The following MLIP variants were observed in gnomAD, a reference collection of about 807,000 sequenced individuals.
The protein encoded by MLIP is muscular LMNA interacting protein.
MLIP carries 79 observed loss-of-function variants against 84.8 expected under a neutral mutation model. That is an observed-to-expected ratio of 0.93 (90% CI 0.78 to 1.12). The LOEUF is 1.12. Ranked by LOEUF, MLIP falls within the 50% of genes most tolerant of loss-of-function variation. MLIP has a pLI of 0.00. For missense variants in MLIP, 1,257 were observed against 1,160.6 expected, an observed-to-expected ratio of 1.08 and a Z score of -1.21; for synonymous variants, 504 against 463.0, an observed-to-expected ratio of 1.09 and a Z score of -1.14.
intron 1 of MLIP, among the ~76,000 whole-genome samples, chr6:54,050,018 C>T (rs1765285232): frequency 6.6e-6 from 1 of 152,022 alleles, no homozygotes. Context: ...TGATTTGATA[C>T]ATTGCAAAGT....
chr6:54,257,999 T>C (rs1783126373), intron 13 of MLIP, among the ~76,000 whole-genome samples: 1 of 152,106 alleles, frequency 6.6e-6, no homozygotes, highest in Admixed American at 6.6e-5. Context: ...TGTAAAGAAA[T>C]GTTCTCATTA....
At chr6:54,168,289 T>G (rs1775402351) in intron 8 of MLIP, among the ~76,000 whole-genome samples, 1 of 151,826 alleles carries the variant, frequency 6.6e-6, no homozygotes, top group Non-Finnish European at 1.5e-5. Flanking sequence ...AAATGTCACC[T>G]TCTCAACATT....
chr6:54,260,973 A>G (rs1232535447), intron 13 of MLIP, among the ~76,000 whole-genome samples: 1 of 151,942 alleles, frequency 6.6e-6, no homozygotes, highest in African/African-American at 2.4e-5. Flanking sequence ...AGATCTGTAA[A>G]TAATTGATTT....
At chr6:54,172,144 T>C (rs1775831673) in intron 9 of MLIP, among the ~76,000 whole-genome samples, 1 of 151,632 alleles carries the variant, frequency 6.6e-6, no homozygotes, top group Admixed American at 6.6e-5. Context: ...TACTGAAAAT[T>C]CCTATTTCTG....
intron 12 of MLIP, among the ~76,000 whole-genome samples, chr6:54,255,735 C>T (rs1028658952): frequency 4.6e-5 from 7 of 152,016 alleles, no homozygotes; most frequent in Non-Finnish European, 8.8e-5. Context: ...CATAATGACT[C>T]GATTGCTTTT....
chr6:54,146,426 T>C (rs1414538584), intron 4 of MLIP, among the ~76,000 whole-genome samples: 1 of 152,200 alleles, frequency 6.6e-6, no homozygotes, highest in East Asian at 1.9e-4. Flanking sequence ...AATTCTTCAC[T>C]TGAGTATCAG....
At chr6:54,129,182 A>G (rs1008377425) in intron 3 of MLIP, among the ~76,000 whole-genome samples, 1 of 152,116 alleles carries the variant, frequency 6.6e-6, no homozygotes, top group African/African-American at 2.4e-5. Context: ...AGTTATTTGG[A>G]TGGGGCATTA....
At chr6:54,141,633 C>T (rs1489271084) in intron 4 of MLIP, among the ~76,000 whole-genome samples, 1 of 151,834 alleles carries the variant, frequency 6.6e-6, no homozygotes, top group Non-Finnish European at 1.5e-5. Context: ...TCTATATTGT[C>T]TGAGACTTTT....
intron 1 of MLIP, among the ~76,000 whole-genome samples, chr6:54,029,869 C>A (rs1338335350): frequency 3.9e-5 from 6 of 152,104 alleles, no homozygotes; most frequent in African/African-American, 1.4e-4. Context: ...AGAATCAAAT[C>A]TGGGCTCCTA....
chr6:54,196,628 G>GT (rs1335352198), intron 10 of MLIP, among the ~76,000 whole-genome samples: 1 of 151,964 alleles, frequency 6.6e-6, no homozygotes, highest in African/African-American at 2.4e-5. Context: ...CATTGAATCA[G>GT]TACCTCTTAT....
At chr6:54,216,905 A>G (rs1779891587) in intron 11 of MLIP, 4 of 985,246 alleles carry the variant, frequency 4.1e-6, no homozygotes, top group Non-Finnish European at 4.8e-6. Flanking sequence ...TGGTGTCTTT[A>G]GATAAAGGGG....
intron 3 of MLIP, among the ~76,000 whole-genome samples, chr6:54,131,090 G>T (rs1771336957): frequency 6.6e-6 from 1 of 152,206 alleles, no homozygotes; most frequent in Non-Finnish European, 1.5e-5. Context: ...CTGTTAAGAA[G>T]TTAGTGGGAA....
intron 11 of MLIP, among the ~76,000 whole-genome samples, chr6:54,222,390 C>T (rs1350078945): frequency 1.3e-5 from 2 of 152,012 alleles, no homozygotes; most frequent in East Asian, 1.9e-4. Flanking sequence ...CCCTCTGCCC[C>T]TGGTAATCAC....
chr6:54,074,852 G>A (rs1400352826), intron 1 of MLIP, among the ~76,000 whole-genome samples: 1 of 152,158 alleles, frequency 6.6e-6, no homozygotes, highest in Non-Finnish European at 1.5e-5. Flanking sequence ...CTGGTACACT[G>A]AAAGCAGTCA....
intron 1 of MLIP, among the ~76,000 whole-genome samples, chr6:54,020,540 G>A (rs536624732): frequency 6.6e-6 from 1 of 152,308 alleles, no homozygotes; most frequent in South Asian, 2.1e-4. Flanking sequence ...CTTCCTGGCA[G>A]TCTTTTACAG....
At chr6:54,107,239 G>T (rs1372276043), upstream of MLIP, among the ~76,000 whole-genome samples, 1 of 152,142 alleles carries the variant, frequency 6.6e-6, no homozygotes, top group Non-Finnish European at 1.5e-5. Flanking sequence ...CATACTCCAA[G>T]GAGAAGAGTA....
Position 54,138,111 on chromosome 6 carries a change from C to T in MLIP, c.2042C>T (p.Pro681Leu). Reference sequence around the variant, plus strand: ...CAGCTCAGTCCCTCAGCTCTGCACCCACATTGCGGCAGTGGTACCTTGCCT... The same window carrying T: ...CAGCTCAGTCCCTCAGCTCTGCACCTACATTGCGGCAGTGGTACCTTGCCT... ...VPQLSPSALH[P>L]HCGSGTLPSR... The change falls in exon 4 of 14, where the codon CCA becomes CTA. Residue 681 changes from proline (P) to leucine (L), a missense_variant. Transcript: ENST00000502396. 1 of 1,536,128 alleles carries T rather than the reference C, an allele frequency of 6.5e-7. No homozygotes were observed. Among genetic ancestry groups the T allele is most frequent in the Non-Finnish European group, 8.7e-7 (1 of 1,146,894 alleles).
chr6:54,261,538 T>C (rs777136244), intron 13 of MLIP: 19 of 975,366 alleles, frequency 1.9e-5, no homozygotes, highest in East Asian at 1.1e-4. Context: ...CATTTAATGG[T>C]TTACAACATA....
chr6:54,168,202 C>T (rs2150585722), intron 8 of MLIP, among the ~76,000 whole-genome samples: 1 of 151,872 alleles, frequency 6.6e-6, no homozygotes, highest in South Asian at 2.1e-4. Context: ...CACTTGTTCC[C>T]TCTTGTTGGA....
Sources: allele counts gnomAD v4.1 joint callset (sites outside exome capture counted in the v4.1 genomes callset), GRCh38; gene constraint gnomAD v4.1.1; transcripts MANE v1.5; gene names NCBI Gene and HGNC (gene_info 2026-07-23, HGNC 2026-07-21).